The following NAALADL2 variants were observed in gnomAD, a reference collection of about 807,000 sequenced individuals.
NAALADL2 encodes N-acetylated alpha-linked acidic dipeptidase like 2.
In NAALADL2, 76 loss-of-function variants were observed where a neutral mutation model predicts 87.2. The observed-to-expected ratio is 0.87, with a 90% CI of 0.72 to 1.05. The LOEUF is 1.05. NAALADL2 is among the 50% of genes least tolerant of loss of function. The pLI is 0.00. For missense variants in NAALADL2, 1,089 were observed against 945.8 expected (o/e 1.15, Z -1.99); for synonymous variants, 354 against 331.0 (o/e 1.07, Z -0.75).
At chr3:174,931,879 T>C (rs1271516031) in intron 1 of NAALADL2, among the ~76,000 whole-genome samples, 1 of 152,214 alleles carries the variant, frequency 6.6e-6, no homozygotes, top group Non-Finnish European at 1.5e-5. Context: ...TATTGCATGA[T>C]GGCTTGGTAT....
chr3:175,645,004 T>C (rs1383312086), intron 11 of NAALADL2, among the ~76,000 whole-genome samples: 2 of 152,144 alleles, frequency 1.3e-5, no homozygotes, highest in Non-Finnish European at 2.9e-5. Context: ...AAAATATCCT[T>C]ATAAGTCATC....
At chr3:175,492,183 C>T (rs1728201572) in intron 9 of NAALADL2, among the ~76,000 whole-genome samples, 1 of 152,160 alleles carries the variant, frequency 6.6e-6, no homozygotes, top group South Asian at 2.1e-4. Context: ...TGGAATAATA[C>T]TGTTTATCTC....
At chr3:174,444,749 C>T (rs779891037) in intron 1 of NAALADL2, among the ~76,000 whole-genome samples, 14 of 152,274 alleles carry the variant, frequency 9.2e-5, no homozygotes, top group East Asian at 1.9e-4. Flanking sequence ...ACAGTGTTGT[C>T]ACCAGTGGTC....
At chr3:174,535,915 T>C (rs190681322) in intron 1 of NAALADL2, among the ~76,000 whole-genome samples, 82 of 152,242 alleles carry the variant, frequency 5.4e-4, no homozygotes, top group Non-Finnish European at 7.4e-5. Context: ...CACCAAACAC[T>C]TAACATCTGA....
At chr3:174,796,529 T>A (rs1024021174) in intron 3 of NAALADL2, among the ~76,000 whole-genome samples, 9 of 152,020 alleles carry the variant, frequency 5.9e-5, no homozygotes, top group Admixed American at 3.9e-4. Flanking sequence ...TCCACTTCCA[T>A]CCATGTTGTG....
At chr3:175,139,207 A>G (rs1186447652) in intron 2 of NAALADL2, among the ~76,000 whole-genome samples, 1 of 151,658 alleles carries the variant, frequency 6.6e-6, no homozygotes, top group Non-Finnish European at 1.5e-5. Context: ...TTACCCTCAG[A>G]TTTATTCATT....
intron 2 of NAALADL2, among the ~76,000 whole-genome samples, chr3:175,116,773 T>C (rs1367560257): frequency 1.3e-5 from 2 of 151,818 alleles, no homozygotes; most frequent in Admixed American, 6.6e-5. Context: ...TTAAAGTCCA[T>C]ATGGAACCAA....
At chr3:174,634,690 C>G (rs532177346) in intron 2 of NAALADL2, among the ~76,000 whole-genome samples, 13 of 152,050 alleles carry the variant, frequency 8.5e-5, no homozygotes, top group Non-Finnish European at 7.4e-5. Context: ...GGACCAATGA[C>G]TAGAAAATAA....
At chr3:174,929,880 T>C (rs1736618706) in intron 1 of NAALADL2, among the ~76,000 whole-genome samples, 1 of 152,188 alleles carries the variant, frequency 6.6e-6, no homozygotes, top group Non-Finnish European at 1.5e-5. Flanking sequence ...AAATAGTACC[T>C]ACCTCATAAG....
Position 175,535,265 on chromosome 3 carries a change from A to C in NAALADL2, c.1654-40776A>C, listed in dbSNP as rs187126243. ...ATAAGTGAAAACATTTGTTGGATAA[A>C]AAAGGACATACAACAATATTGAGGA... On this transcript the variant is annotated intron_variant, in intron 9 of 13. Coordinates refer to ENST00000454872, the MANE Select transcript of NAALADL2 (RefSeq NM_207015.3). Among the ~76,000 whole-genome samples, 22 of 152,344 alleles carry C rather than the reference A, an allele frequency of 1.4e-4. 1 individual carries two copies. The East Asian group carries it at 4.2e-3, about 29-fold the overall frequency.
At chr3:174,714,214 T>C (rs192629103) in intron 2 of NAALADL2, among the ~76,000 whole-genome samples, 39 of 152,320 alleles carry the variant, frequency 2.6e-4, no homozygotes, top group Admixed American at 7.2e-4. Flanking sequence ...CCTTGTAGTA[T>C]AGTTTGAAGT....
At chr3:175,660,814 C>T (rs1262880941) in intron 11 of NAALADL2, among the ~76,000 whole-genome samples, 5 of 152,022 alleles carry the variant, frequency 3.3e-5, no homozygotes, top group Non-Finnish European at 5.9e-5. Context: ...CAGATCCATC[C>T]GTGTTGCTGC....
At chr3:175,069,574 C>G (rs1298935445) in intron 1 of NAALADL2, among the ~76,000 whole-genome samples, 1 of 150,478 alleles carries the variant, frequency 6.6e-6, no homozygotes, top group Non-Finnish European at 1.5e-5. Flanking sequence ...GGACTGTAAA[C>G]TAGTTCAACC....
At chr3:175,187,734 T>C (rs116375026) in intron 2 of NAALADL2, among the ~76,000 whole-genome samples, 111 of 152,208 alleles carry the variant, frequency 7.3e-4, no homozygotes, top group African/African-American at 2.6e-3. Flanking sequence ...GAGAATGATC[T>C]CACCAGCAGA....
At chr3:174,653,148 A>G (rs1357615109) in intron 2 of NAALADL2, among the ~76,000 whole-genome samples, 1 of 152,204 alleles carries the variant, frequency 6.6e-6, no homozygotes, top group Non-Finnish European at 1.5e-5. Context: ...AGTATCTGTT[A>G]TAGATGAACA....
intron 11 of NAALADL2, among the ~76,000 whole-genome samples, chr3:175,717,392 C>A (rs115155987): frequency 2.6e-5 from 4 of 151,698 alleles, no homozygotes; most frequent in Non-Finnish European, 5.9e-5. Flanking sequence ...TTTTTTAAAT[C>A]AAAAAATTAA....
At chr3:175,325,958 TTTACA>T (rs956916159) in intron 5 of NAALADL2, among the ~76,000 whole-genome samples, 4 of 152,218 alleles carry the variant, frequency 2.6e-5, no homozygotes, top group Non-Finnish European at 5.9e-5. Context: ...TTTTTCATTT[TTTACA>T]TTACAAGGTT....
chr3:175,328,778 G>T (rs1761055781), intron 5 of NAALADL2, among the ~76,000 whole-genome samples: 1 of 152,032 alleles, frequency 6.6e-6, no homozygotes, highest in South Asian at 2.1e-4. Flanking sequence ...GTTATATTTG[G>T]CCTAAAATCA....
rs114071842 is a variant in NAALADL2, at chr3:175,686,908, A to G, written c.1897-50398A>G. On this transcript the variant is annotated intron_variant, in intron 11 of 13. Coordinates refer to ENST00000454872, the MANE Select transcript of NAALADL2 (RefSeq NM_207015.3). ...GTTTGCTATGAACAAGTTATCTTCT[A>G]TGTTTTCTATACCTACCATCTTATT... is the stretch of plus-strand genomic sequence containing the variant. Among the ~76,000 whole-genome samples the G allele has an allele frequency of 8.3e-3, 1,261 of 152,260 alleles. 7 individuals carry two copies. Among genetic ancestry groups the G allele is most frequent in the Non-Finnish European group, 0.015 (1,013 of 67,988 alleles).
Sources: gnomAD v4.1 joint callset for allele counts (sites outside exome capture counted in the v4.1 genomes callset) on GRCh38, gnomAD v4.1.1 for gene constraint, MANE v1.5 for transcripts, NCBI Gene and HGNC (gene_info 2026-07-23, HGNC 2026-07-21) for gene names.